Variants in ZCWPW2 observed in about 807,000 individuals in gnomAD.
The protein encoded by ZCWPW2 is zinc finger CW-type PWWP domain protein 2.
ZCWPW2 carries 45 observed loss-of-function variants against 46.6 expected under a neutral mutation model. The observed-to-expected ratio is 0.96, with a 90% CI of 0.76 to 1.24. The LOEUF (loss-of-function observed/expected upper bound fraction) is 1.24, where lower values mean the gene tolerates loss of function less well. ZCWPW2 is among the 50% of genes most tolerant of loss of function. The pLI, the probability that ZCWPW2 is intolerant of heterozygous loss-of-function variation, is 0.00. For missense variants in ZCWPW2, 429 were observed against 403.9 expected, an observed-to-expected ratio of 1.06 and a Z score of -0.53; for synonymous variants, 152 against 137.1, an observed-to-expected ratio of 1.11 and a Z score of -0.76.
At chr3:28,374,246 C>T (rs935068615) in intron 1 of ZCWPW2, among the ~76,000 whole-genome samples, 4 of 152,148 alleles carry the variant, frequency 2.6e-5, no homozygotes, top group African/African-American at 9.7e-5. Flanking sequence ...ATTGAAGAGG[C>T]TGTCCTCTTC....
intron 1 of ZCWPW2, among the ~76,000 whole-genome samples, chr3:28,365,068 T>A (rs1347044016): frequency 1.3e-5 from 2 of 151,864 alleles, no homozygotes; most frequent in Non-Finnish European, 2.9e-5. Flanking sequence ...GATGAGTAGA[T>A]TGCAAAAATT....
chr3:28,390,735 C>T (rs1695454402), intron 2 of ZCWPW2, 118 bp downstream of exon 2: 2 of 754,518 alleles, frequency 2.7e-6, no homozygotes, highest in South Asian at 6.0e-5. Flanking sequence ...ACCTGTATAA[C>T]TTCTCTATGA....
rs187558766 is a variant in ZCWPW2, at chr3:28,354,312, T to C, written c.-134+5109T>C. Among the ~76,000 whole-genome samples the C allele has an allele frequency of 2.3e-4, 34 of 149,844 alleles. No individual in the cohort carries two copies. The East Asian group carries it at 5.2e-3, about 23-fold the overall frequency. On this transcript the variant is annotated intron_variant, in intron 1 of 9. Transcript: ENST00000383768. ...CTCCCAAGACTAAACCAGGAAGAAGTTGAATCCCTGAATAGACCAATAACA... is the reference window on the plus strand; with the variant it reads ...CTCCCAAGACTAAACCAGGAAGAAGCTGAATCCCTGAATAGACCAATAACA...
intron 4 of ZCWPW2, among the ~76,000 whole-genome samples, chr3:28,440,850 G>T (rs935001864): frequency 4.6e-5 from 7 of 152,186 alleles, no homozygotes; most frequent in African/African-American, 1.7e-4. Context: ...GTCTAGTCCA[G>T]TGAGGACCTC....
At chr3:28,447,973 G>T in intron 4 of ZCWPW2, 2 of 560,084 alleles carry the variant, frequency 3.6e-6, no homozygotes, top group South Asian at 4.0e-5. Context: ...TTCCATGTGT[G>T]CTAAATGTTT....
chr3:28,445,366 T>G (rs1370398574), intron 4 of ZCWPW2, among the ~76,000 whole-genome samples: 1 of 152,064 alleles, frequency 6.6e-6, no homozygotes, highest in African/African-American at 2.4e-5. Context: ...TTTATATTTT[T>G]GGGCAAACAA....
chr3:28,511,054 T>A (rs983750880), intron 6 of ZCWPW2: 1 of 455,746 alleles, frequency 2.2e-6, no homozygotes, highest in Non-Finnish European at 4.4e-6. Flanking sequence ...CTACCCCAGA[T>A]GTCAAGAAAG....
At chr3:28,459,420 C>T (rs559658696) in intron 4 of ZCWPW2, among the ~76,000 whole-genome samples, 1 of 152,124 alleles carries the variant, frequency 6.6e-6, no homozygotes, top group East Asian at 1.9e-4. Context: ...AAATCACTCT[C>T]CTTGGTAAAT....
chr3:28,468,963 G>A (rs150193358), intron 4 of ZCWPW2, among the ~76,000 whole-genome samples: 21 of 152,226 alleles, frequency 1.4e-4, no homozygotes, highest in African/African-American at 4.8e-4. Flanking sequence ...CTGCTCTTCA[G>A]TGGAAAGACT....
intron 5 of ZCWPW2, among the ~76,000 whole-genome samples, chr3:28,481,981 C>T (rs1485965074): frequency 6.6e-6 from 1 of 152,132 alleles, no homozygotes; most frequent in Non-Finnish European, 1.5e-5. Flanking sequence ...ATTCATGAAC[C>T]TACACTGACA....
At chr3:28,355,605 C>T (rs1217645777) in intron 1 of ZCWPW2, among the ~76,000 whole-genome samples, 4 of 152,214 alleles carry the variant, frequency 2.6e-5, no homozygotes, top group Non-Finnish European at 5.9e-5. Flanking sequence ...AACTATACTG[C>T]AAGGCTACAG....
At chr3:28,384,982 A>G (rs576369295) in intron 1 of ZCWPW2, among the ~76,000 whole-genome samples, 1 of 152,316 alleles carries the variant, frequency 6.6e-6, no homozygotes, top group East Asian at 1.9e-4. Flanking sequence ...TACATATTTT[A>G]TACTGTTTTG....
intron 6 of ZCWPW2, among the ~76,000 whole-genome samples, chr3:28,500,183 G>A (rs141182088): frequency 1.3e-5 from 2 of 151,980 alleles, no homozygotes; most frequent in Admixed American, 1.3e-4. Context: ...TGCCGTAATT[G>A]TCATTGACAG....
At chr3:28,400,750 C>T (rs547196425) in intron 2 of ZCWPW2, among the ~76,000 whole-genome samples, 21 of 152,226 alleles carry the variant, frequency 1.4e-4, no homozygotes, top group African/African-American at 3.4e-4. Context: ...TAAGATAATT[C>T]GCCACTACCA....
At chr3:28,510,043 G>T (rs1700385286) in intron 6 of ZCWPW2, among the ~76,000 whole-genome samples, 1 of 152,128 alleles carries the variant, frequency 6.6e-6, no homozygotes, top group South Asian at 2.1e-4. Context: ...AGTTGTCTGA[G>T]TACTATTTGT....
At chr3:28,394,527 C>T (rs532006370) in intron 2 of ZCWPW2, among the ~76,000 whole-genome samples, 3 of 152,058 alleles carry the variant, frequency 2.0e-5, no homozygotes, top group African/African-American at 7.2e-5. Context: ...TATTACAAAG[C>T]TATAGTAAGC....
chr3:28,414,574 G>A (rs566750250), intron 3 of ZCWPW2, among the ~76,000 whole-genome samples: 2,834 of 144,922 alleles, frequency 0.02, 33 homozygotes, highest in Non-Finnish European at 0.029. Flanking sequence ...GTCATTTAGC[G>A]TTAGGTATAT....
chr3:28,349,000 G>C lies in ZCWPW2; in HGVS notation c.-337G>C, dbSNP rs1236569417. The stretch of plus-strand genomic sequence containing the variant: ...CTCAGCCGGAAAAGGGGCTGCCGCT[G>C]TCCGCGGGCTCGGCGCCAGGGACGC... On this transcript the variant is annotated 5_prime_UTR_variant, in exon 1 of 10. Transcript: ENST00000383768. The C allele has an allele frequency of 1.2e-5, 12 of 985,758 alleles. No individual in the cohort carries two copies. The highest frequency in any genetic ancestry group is 1.2e-4 in the Admixed American group (2 of 16,272). The allele number at this position is 985,758 out of a possible 1,614,324, so 61.1% of individuals were successfully genotyped here. A position where few individuals can be genotyped will look rare whatever the true frequency, so the allele number is the denominator to read the frequency against.
chr3:28,438,581 A>G (rs1014658000), intron 4 of ZCWPW2, among the ~76,000 whole-genome samples: 1 of 152,226 alleles, frequency 6.6e-6, no homozygotes, highest in Non-Finnish European at 1.5e-5. Context: ...CTGATTTTCA[A>G]ACTTACCACA....
Sources: gnomAD v4.1 joint callset for allele counts (sites outside exome capture counted in the v4.1 genomes callset) on GRCh38, gnomAD v4.1.1 for gene constraint, MANE v1.5 for transcripts, NCBI Gene and HGNC (gene_info 2026-07-23, HGNC 2026-07-21) for gene names.